The following ATP10B variants were observed in gnomAD, a reference collection of about 807,000 sequenced individuals.
ATP10B encodes the protein phospholipid-transporting ATPase VB.
In ATP10B, 122 loss-of-function variants were observed where a neutral mutation model predicts 141.2. The ratio of observed to expected loss-of-function variants is 0.86; its 90% CI spans 0.75 to 1.00. The LOEUF is 1.00. ATP10B is among the 50% of genes least tolerant of loss of function. The pLI, the probability that ATP10B is intolerant of heterozygous loss-of-function variation, is 0.00. For missense variants in ATP10B, 1,876 were observed against 1,825.3 expected (o/e 1.03, Z -0.51); for synonymous variants, 685 against 692.0 (o/e 0.99, Z 0.16).
At chr5:160,763,534 A>T (rs1158873309) in intron 2 of ATP10B, among the ~76,000 whole-genome samples, 1 of 152,156 alleles carries the variant, frequency 6.6e-6, no homozygotes, top group Non-Finnish European at 1.5e-5. Flanking sequence ...GACAAAACCT[A>T]TCAAAACCTC....
At chr5:160,676,248 G>A (rs1763022925) in intron 6 of ATP10B, among the ~76,000 whole-genome samples, 1 of 152,140 alleles carries the variant, frequency 6.6e-6, no homozygotes, top group African/African-American at 2.4e-5. Flanking sequence ...AGCAGTGATG[G>A]CCATGGAAAC....
intron 1 of ATP10B, among the ~76,000 whole-genome samples, chr5:160,819,112 A>T (rs1462019174): frequency 6.6e-6 from 1 of 152,162 alleles, no homozygotes; most frequent in Non-Finnish European, 1.5e-5. Flanking sequence ...ACTAACCTGC[A>T]TGTTGTGCAC....
chr5:160,711,762 C>G (rs1366695700), intron 3 of ATP10B, among the ~76,000 whole-genome samples: 3 of 60,430 alleles, frequency 5.0e-5, no homozygotes, highest in Admixed American at 4.5e-4. Context: ...TCATAGATAG[C>G]TCTTATTATT....
rs775795047 is a variant in ATP10B at position 160,684,999 on chromosome 5, C to A, written c.470+1080G>T. 3 of 703,368 alleles carry A rather than the reference C, an allele frequency of 4.3e-6. No homozygotes were observed. In the South Asian group the frequency reaches 4.4e-5, roughly 10 times the overall value. 43.6% of individuals were successfully genotyped at this position (703,368 alleles called of 1,614,324 possible). On this transcript the variant is annotated intron_variant, in intron 6 of 25. Coordinates refer to ENST00000327245, the MANE Select transcript of ATP10B (RefSeq NM_025153.3). ...TGACCACAGGGATAAAATTCAGAAC[C>A]GCAATGCCCACAAAATAGAGATTGG...
intron 9 of ATP10B, among the ~76,000 whole-genome samples, chr5:160,641,812 G>A (rs1287412655): frequency 1.3e-5 from 2 of 152,184 alleles, no homozygotes; most frequent in African/African-American, 2.4e-5. Flanking sequence ...AGAAGCAAAC[G>A]GCTTTTATGC....
intron 1 of ATP10B, among the ~76,000 whole-genome samples, chr5:160,850,834 T>C (rs1753761539): frequency 6.6e-6 from 1 of 152,212 alleles, no homozygotes; most frequent in Non-Finnish European, 1.5e-5. Flanking sequence ...ATCCATATAA[T>C]TAGGCTGTAA....
At chr5:160,756,356 G>C (rs183660907) in intron 2 of ATP10B, among the ~76,000 whole-genome samples, 55 of 152,286 alleles carry the variant, frequency 3.6e-4, no homozygotes, top group African/African-American at 1.3e-3. Flanking sequence ...GTCTTTGTGA[G>C]GATATGTTTT....
chr5:160,618,434 A>G (rs558863652), intron 15 of ATP10B, among the ~76,000 whole-genome samples: 1 of 152,242 alleles, frequency 6.6e-6, no homozygotes, highest in Admixed American at 6.5e-5. Context: ...CATCTTCTCT[A>G]TCTTCTACTT....
intron 3 of ATP10B, among the ~76,000 whole-genome samples, chr5:160,693,449 C>CACA (rs1187622867): frequency 6.8e-6 from 1 of 146,954 alleles, no homozygotes; most frequent in East Asian, 1.9e-4. Flanking sequence ...CACACACACA[C>CACA]ACACACAGTG....
intron 8 of ATP10B, among the ~76,000 whole-genome samples, chr5:160,646,471 A>G (rs1232544511): frequency 2.0e-5 from 3 of 152,234 alleles, no homozygotes; most frequent in African/African-American, 7.2e-5. Flanking sequence ...CCAGTGATAT[A>G]AATTTTCCTT....
chr5:160,754,939 A>G (rs1427528327), intron 2 of ATP10B, among the ~76,000 whole-genome samples: 1 of 152,214 alleles, frequency 6.6e-6, no homozygotes, highest in African/African-American at 2.4e-5. Context: ...CACTACACAT[A>G]TAGTCATGCT....
chr5:160,916,794 A>G, the ATP10B span, among the ~76,000 whole-genome samples: 1 of 152,216 alleles, frequency 6.6e-6, no homozygotes, highest in Middle Eastern at 3.2e-3. Flanking sequence ...CCCTGATTAC[A>G]GCTGAGGCTC....
intron 1 of ATP10B, among the ~76,000 whole-genome samples, chr5:160,837,535 ATCTC>A (rs1307781340): frequency 4.6e-5 from 7 of 152,184 alleles, no homozygotes; most frequent in African/African-American, 1.4e-4. Flanking sequence ...TATAATCAAG[ATCTC>A]TCTACCAAAA....
At chr5:160,568,086 G>A (rs1179537893) in intron 25 of ATP10B, among the ~76,000 whole-genome samples, 1 of 152,162 alleles carries the variant, frequency 6.6e-6, no homozygotes, top group African/African-American at 2.4e-5. Flanking sequence ...AGAAACTCTA[G>A]AGATACCCAG....
intron 1 of ATP10B, among the ~76,000 whole-genome samples, chr5:160,813,920 G>T (rs1382137497): frequency 1.3e-5 from 2 of 152,164 alleles, no homozygotes; most frequent in Non-Finnish European, 2.9e-5. Context: ...GTAGCTGAGG[G>T]TCCTGACTGT....
At chr5:160,765,213 G>GA (rs778810807) in intron 2 of ATP10B, among the ~76,000 whole-genome samples, 87 of 151,954 alleles carry the variant, frequency 5.7e-4, no homozygotes, top group Non-Finnish European at 1.1e-3. Flanking sequence ...CACAGAACTA[G>GA]AAAAAACATT....
intron 1 of ATP10B, among the ~76,000 whole-genome samples, chr5:160,846,529 T>G (rs1412766340): frequency 6.6e-6 from 1 of 152,164 alleles, no homozygotes; most frequent in East Asian, 1.9e-4. Flanking sequence ...CTAGTAGTTT[T>G]TACTCTATAA....
chr5:160,580,865 C>T (rs1457252356), intron 24 of ATP10B, among the ~76,000 whole-genome samples: 2 of 152,152 alleles, frequency 1.3e-5, no homozygotes, highest in African/African-American at 2.4e-5. Context: ...AGGGGTTTGA[C>T]TTCTTCCTGG....
chr5:160,716,296 TA>T (rs1380038929), intron 3 of ATP10B, among the ~76,000 whole-genome samples: 1 of 152,246 alleles, frequency 6.6e-6, no homozygotes, highest in African/African-American at 2.4e-5. Flanking sequence ...AAGGGTTAAC[TA>T]TTATTTTGCT....
Sources: gnomAD v4.1 joint callset for allele counts (sites outside exome capture counted in the v4.1 genomes callset) on GRCh38, gnomAD v4.1.1 for gene constraint, MANE v1.5 for transcripts, NCBI Gene and HGNC (gene_info 2026-07-23, HGNC 2026-07-21) for gene names.